Variants in CYRIB observed in about 807,000 individuals in gnomAD.
CYRIB encodes the protein CYFIP-related Rac1 interactor B.
A neutral mutation model predicts 44.2 loss-of-function variants in CYRIB; 8 were observed. The ratio of observed to expected loss-of-function variants is 0.18; its 90% CI spans 0.11 to 0.33. The LOEUF is 0.33. Among genes scored for constraint, CYRIB ranks in the 10% least tolerant of loss-of-function variants. The pLI, the probability that CYRIB is intolerant of heterozygous loss-of-function variation, is 1.00. For missense variants in CYRIB, 185 were observed against 382.8 expected (o/e 0.48, Z 4.31); for synonymous variants, 131 against 127.2 (o/e 1.03, Z -0.20).
intron 2 of CYRIB, among the ~76,000 whole-genome samples, chr8:129,957,786 A>C (rs2094945088): frequency 6.6e-6 from 1 of 152,044 alleles, no homozygotes; most frequent in African/African-American, 2.4e-5. Context: ...TAACATGGTG[A>C]AACCCCGTCT....
intron 1 of CYRIB, among the ~76,000 whole-genome samples, chr8:130,000,241 CG>C (rs1414250696): frequency 6.6e-6 from 1 of 151,988 alleles, no homozygotes; most frequent in Non-Finnish European, 1.5e-5. Flanking sequence ...GGGATAGAGA[CG>C]GGGAAGACAA....
exon 1 of CYRIB, chr8:130,016,383 C>A (rs959560652): frequency 1.3e-5 from 2 of 148,758 alleles, no homozygotes; most frequent in South Asian, 3.9e-4. Flanking sequence ...GCGGCCCGGG[C>A]GGGCGAGGGG....
chr8:129,899,932 C>T (rs1038246871), intron 2 of CYRIB, among the ~76,000 whole-genome samples: 5 of 152,160 alleles, frequency 3.3e-5, no homozygotes, highest in African/African-American at 9.7e-5. Flanking sequence ...TGTGAGAACA[C>T]TCTCTTCACA....
chr8:129,866,118 G>A (rs957159881), intron 4 of CYRIB, among the ~76,000 whole-genome samples: 1 of 152,124 alleles, frequency 6.6e-6, no homozygotes, highest in Non-Finnish European at 1.5e-5. Context: ...CAATCTAACC[G>A]TATGTGTTGT....
chr8:129,934,889 A>G (rs1041800304), intron 1 of CYRIB, among the ~76,000 whole-genome samples: 2 of 152,238 alleles, frequency 1.3e-5, no homozygotes, highest in Non-Finnish European at 2.9e-5. Flanking sequence ...CCTTAGTTAT[A>G]GATTAAAAGA....
intron 1 of CYRIB, among the ~76,000 whole-genome samples, chr8:129,986,801 C>T (rs144134572): frequency 2.6e-5 from 4 of 152,308 alleles, no homozygotes; most frequent in African/African-American, 9.6e-5. Context: ...TTGTAAGCAA[C>T]AGAAAACGGA....
At chr8:129,885,927 C>G (rs2062578544) in intron 2 of CYRIB, among the ~76,000 whole-genome samples, 1 of 152,210 alleles carries the variant, frequency 6.6e-6, no homozygotes, top group Non-Finnish European at 1.5e-5. Context: ...CTGTATCTTT[C>G]ACACACAAAA....
chr8:129,879,568 T>C, intron 2 of CYRIB, 97 bp from the exon 5 acceptor site: 1 of 889,474 alleles, frequency 1.1e-6, no homozygotes, highest in Non-Finnish European at 1.7e-6. Context: ...AAAATGTTCA[T>C]TAGGCCATGA....
At chr8:130,000,456 G>A (rs1003020061) in intron 1 of CYRIB, among the ~76,000 whole-genome samples, 3 of 152,220 alleles carry the variant, frequency 2.0e-5, no homozygotes, top group African/African-American at 7.2e-5. Flanking sequence ...ACTTTGGGAG[G>A]CTGAGGCTGG....
intron 1 of CYRIB, among the ~76,000 whole-genome samples, chr8:129,925,177 C>T (rs1374662531): frequency 6.6e-6 from 1 of 152,064 alleles, no homozygotes; most frequent in Admixed American, 6.5e-5. Flanking sequence ...GAAGATGGAT[C>T]ACGTGAGGTC....
At chr8:129,994,998 C>T (rs780912950) in intron 1 of CYRIB, among the ~76,000 whole-genome samples, 2 of 152,156 alleles carry the variant, frequency 1.3e-5, no homozygotes, top group African/African-American at 4.8e-5. Flanking sequence ...CCACAGGCTG[C>T]GAGAAAGAAT....
At chr8:129,965,653 G>A (rs1431894009) in intron 2 of CYRIB, among the ~76,000 whole-genome samples, 3 of 151,750 alleles carry the variant, frequency 2.0e-5, no homozygotes, top group Non-Finnish European at 2.9e-5. Flanking sequence ...AAAATTAACC[G>A]GGCGTGGTGG....
intron 1 of CYRIB, among the ~76,000 whole-genome samples, chr8:129,923,465 G>A (rs1312774736): frequency 6.6e-6 from 1 of 151,858 alleles, no homozygotes; most frequent in Non-Finnish European, 1.5e-5. Context: ...AGTAGAGACG[G>A]AGTTTCACTA....
intron 1 of CYRIB, among the ~76,000 whole-genome samples, chr8:129,991,564 G>A (rs1423002859): frequency 6.6e-6 from 1 of 152,096 alleles, no homozygotes; most frequent in East Asian, 1.9e-4. Flanking sequence ...GCCCTGCACA[G>A]CCTTAGGACT....
intron 1 of CYRIB, among the ~76,000 whole-genome samples, chr8:129,920,125 T>C (rs1321552730): frequency 6.6e-6 from 1 of 151,844 alleles, no homozygotes; most frequent in Non-Finnish European, 1.5e-5. Flanking sequence ...ATTCTAAAAA[T>C]TACTCTTTCA....
At chr8:129,924,360 A>G (rs13248974) in intron 1 of CYRIB, among the ~76,000 whole-genome samples, 7 of 144,434 alleles carry the variant, frequency 4.8e-5, no homozygotes, top group Admixed American at 4.4e-4. Flanking sequence ...GTCAGTGTCA[A>G]TAAGGGGTAG....
chr8:130,011,555 C>T (rs1358196533), intron 1 of CYRIB, among the ~76,000 whole-genome samples: 49 of 149,744 alleles, frequency 3.3e-4, no homozygotes, highest in Admixed American at 1.9e-3. Context: ...TGGTGGCTCA[C>T]GCCTGTAATC....
At chr8:129,900,943 G>A (rs1012567915) in intron 2 of CYRIB, among the ~76,000 whole-genome samples, 7 of 152,186 alleles carry the variant, frequency 4.6e-5, no homozygotes, top group African/African-American at 1.7e-4. Context: ...CAAAGTGCTG[G>A]AATTACAGGC....
intron 1 of CYRIB, among the ~76,000 whole-genome samples, chr8:129,972,125 T>C (rs1170142483): frequency 1.3e-5 from 2 of 152,240 alleles, no homozygotes; most frequent in Non-Finnish European, 2.9e-5. Context: ...GGGCCATGTC[T>C]AATTGTCCAG....
Sources: gnomAD v4.1 joint callset for allele counts (sites outside exome capture counted in the v4.1 genomes callset) on GRCh38, gnomAD v4.1.1 for gene constraint, MANE v1.5 for transcripts, NCBI Gene and HGNC (gene_info 2026-07-23, HGNC 2026-07-21) for gene names.